The following ERC1 variants were observed in gnomAD, a reference collection of about 807,000 sequenced individuals.
ERC1 encodes ELKS/RAB6-interacting/CAST family member 1.
Under a neutral mutation model 132.0 loss-of-function variants are expected in ERC1, and 56 were observed. That is an observed-to-expected ratio of 0.42 (90% CI 0.34 to 0.53). The LOEUF is 0.53. ERC1 is among the 20% of genes least tolerant of loss of function. ERC1 has a pLI of 0.03. For synonymous variants in ERC1, 478 were observed against 476.1 expected (o/e 1.00, Z -0.05); for missense variants, 1,202 against 1,349.9 (o/e 0.89, Z 1.72).
intron 7 of ERC1, among the ~76,000 whole-genome samples, chr12:1,133,977 T>C (rs1023535873): frequency 6.6e-6 from 1 of 152,254 alleles, no homozygotes; most frequent in Non-Finnish European, 1.5e-5. Context: ...GTTTTTCTGC[T>C]TCTTTGCTTG....
chr12:1,452,214 T>G (rs2093439937), intron 18 of ERC1, among the ~76,000 whole-genome samples: 1 of 152,202 alleles, frequency 6.6e-6, no homozygotes. Flanking sequence ...CTCTTTCTTT[T>G]AATACTTTTA....
chr12:1,352,462 A>G (rs1367238130), intron 15 of ERC1, among the ~76,000 whole-genome samples: 3 of 152,244 alleles, frequency 2.0e-5, no homozygotes, highest in Non-Finnish European at 4.4e-5. Flanking sequence ...CAAACTGCAA[A>G]TGGTTTGAAT....
At chr12:1,257,298 C>T (rs2076875383) in intron 13 of ERC1, 1 of 152,186 alleles carries the variant, frequency 6.6e-6, no homozygotes. Context: ...CATAAGAGAC[C>T]CTGGCACCAG....
At chr12:1,015,268 A>G (rs539736701) in intron 1 of ERC1, among the ~76,000 whole-genome samples, 12 of 152,152 alleles carry the variant, frequency 7.9e-5, no homozygotes, top group African/African-American at 2.6e-4. Flanking sequence ...CATGTTGTCC[A>G]GGCTGGTCTT....
chr12:1,279,333 A>T (rs1199304546), intron 14 of ERC1, among the ~76,000 whole-genome samples: 1 of 152,204 alleles, frequency 6.6e-6, no homozygotes, highest in Non-Finnish European at 1.5e-5. Context: ...CTCTAGAAAC[A>T]TGAGTAGTCG....
chr12:1,095,366 G>GT (rs1297388306), intron 3 of ERC1, among the ~76,000 whole-genome samples: 1 of 139,704 alleles, frequency 7.2e-6, no homozygotes, highest in African/African-American at 2.7e-5. Context: ...GGAGGTGGAG[G>GT]TTGCAGTGAG....
At chr12:1,079,992 G>A (rs35802047) in intron 2 of ERC1, among the ~76,000 whole-genome samples, 34,565 of 152,152 alleles carry the variant, frequency 0.23, 4,347 homozygotes, top group Middle Eastern at 0.28. Flanking sequence ...ATCTTTGAGA[G>A]TTCCCAAGAA....
chr12:1,385,877 G>A (rs760009043), intron 16 of ERC1: 13 of 152,002 alleles, frequency 8.6e-5, no homozygotes, highest in East Asian at 3.9e-4. Context: ...CTTTTGTGTC[G>A]TCTAGTAAGG....
chr12:1,371,382 C>A (rs1167100122), intron 15 of ERC1, among the ~76,000 whole-genome samples: 1 of 152,188 alleles, frequency 6.6e-6, no homozygotes. Flanking sequence ...GAGTCACATT[C>A]GCCTGAATGG....
At chr12:1,128,233 A>G (rs991528191) in intron 7 of ERC1, among the ~76,000 whole-genome samples, 1 of 152,208 alleles carries the variant, frequency 6.6e-6, no homozygotes, top group Non-Finnish European at 1.5e-5. Flanking sequence ...GACCCTTAGG[A>G]ACGCTGGATA....
At chr12:1,274,411 T>C (rs911091925) in intron 14 of ERC1, among the ~76,000 whole-genome samples, 1 of 152,164 alleles carries the variant, frequency 6.6e-6, no homozygotes, top group Admixed American at 6.5e-5. Context: ...TTTATAAAAG[T>C]GTGTAACAGG....
chr12:1,481,773 GT>G (rs920485264), intron 18 of ERC1, among the ~76,000 whole-genome samples: 2 of 151,362 alleles, frequency 1.3e-5, no homozygotes, highest in Non-Finnish European at 3.0e-5. Flanking sequence ...TCTGCCTCTG[GT>G]TTTTTTTTCT....
chr12:995,888 T>C (rs576152850), intron 1 of ERC1, among the ~76,000 whole-genome samples: 19 of 152,082 alleles, frequency 1.2e-4, no homozygotes, highest in Non-Finnish European at 2.2e-4. Flanking sequence ...GGGAGTATGA[T>C]ATTCTAGAAG....
intron 13 of ERC1, among the ~76,000 whole-genome samples, chr12:1,254,688 T>G (rs1030900227): frequency 2.0e-5 from 3 of 152,036 alleles, no homozygotes; most frequent in Non-Finnish European, 4.4e-5. Flanking sequence ...AATTTTTGTA[T>G]TTTTAGTAGA....
At chr12:1,384,397 T>A (rs901586720) in intron 16 of ERC1, among the ~76,000 whole-genome samples, 1 of 152,228 alleles carries the variant, frequency 6.6e-6, no homozygotes, top group African/African-American at 2.4e-5. Flanking sequence ...AAAATCTGTG[T>A]GCTCATAACC....
chr12:1,419,659 TG>T (rs1187091814), intron 17 of ERC1, among the ~76,000 whole-genome samples: 9 of 151,740 alleles, frequency 5.9e-5, no homozygotes. Flanking sequence ...ATGGAGGAAA[TG>T]AGGAATTGTC....
intron 17 of ERC1, among the ~76,000 whole-genome samples, chr12:1,426,460 T>A (rs1398392418): frequency 1.3e-5 from 2 of 152,164 alleles, no homozygotes; most frequent in Non-Finnish European, 2.9e-5. Flanking sequence ...CAGGGTGTAG[T>A]CGTTTACTAA....
intron 16 of ERC1, among the ~76,000 whole-genome samples, chr12:1,393,695 G>A (rs1156863697): frequency 6.7e-6 from 1 of 148,352 alleles, no homozygotes; most frequent in Non-Finnish European, 1.5e-5. Context: ...TTGCTTAGCT[G>A]TTCTTCAAGC....
intron 17 of ERC1, among the ~76,000 whole-genome samples, chr12:1,423,449 G>A (rs978664914): frequency 2.0e-5 from 3 of 152,146 alleles, no homozygotes; most frequent in Non-Finnish European, 4.4e-5. Context: ...ACATTGTATT[G>A]TCTTAATTAT....
Sources: gnomAD v4.1 joint callset for allele counts (sites outside exome capture counted in the v4.1 genomes callset) on GRCh38, gnomAD v4.1.1 for gene constraint, MANE v1.5 for transcripts, NCBI Gene and HGNC (gene_info 2026-07-23, HGNC 2026-07-21) for gene names.